The following KIF6 variants were observed in gnomAD, a reference collection of about 807,000 sequenced individuals.
KIF6 encodes kinesin-like protein KIF6.
In KIF6, 106 loss-of-function variants were observed where a neutral mutation model predicts 112.7. That is an observed-to-expected ratio of 0.94 (90% CI 0.80 to 1.11). The LOEUF (loss-of-function observed/expected upper bound fraction) is 1.11. KIF6 is among the 50% of genes least tolerant of loss of function. The pLI, the probability that KIF6 is intolerant of heterozygous loss-of-function variation, is 0.00. For synonymous variants in KIF6, 339 were observed against 339.9 expected (o/e 1.00, Z 0.03); for missense variants, 929 against 964.0 (o/e 0.96, Z 0.48).
At chr6:39,566,853 T>A (rs1296533311) in intron 10 of KIF6, among the ~76,000 whole-genome samples, 1 of 152,230 alleles carries the variant, frequency 6.6e-6, no homozygotes. Context: ...TGAAACATTG[T>A]TTTTCTGTCA....
At chr6:39,429,078 A>G (rs769819714) in intron 14 of KIF6, among the ~76,000 whole-genome samples, 22 of 152,220 alleles carry the variant, frequency 1.4e-4, no homozygotes, top group Non-Finnish European at 2.2e-4. Context: ...TGCCGTCCAT[A>G]TACAGAGCCA....
intron 3 of KIF6, among the ~76,000 whole-genome samples, chr6:39,684,485 CA>C (rs1311859609): frequency 2.0e-5 from 3 of 152,000 alleles, no homozygotes; most frequent in Admixed American, 2.0e-4. Flanking sequence ...CATGGTGACA[CA>C]AGCCTGTAAC....
chr6:39,639,902 TCTAG>T, intron 3 of KIF6, 145 bp from the exon 4 acceptor site: 1 of 635,012 alleles, frequency 1.6e-6, no homozygotes, highest in South Asian at 2.6e-5. Context: ...TATGTGAATA[TCTAG>T]CTAGAATTTA....
intron 9 of KIF6, among the ~76,000 whole-genome samples, chr6:39,583,773 T>C (rs1781441762): frequency 6.8e-6 from 1 of 147,496 alleles, no homozygotes; most frequent in Admixed American, 6.9e-5. Context: ...AACTGAGTGA[T>C]TTGAAAAATG....
intron 15 of KIF6, among the ~76,000 whole-genome samples, chr6:39,410,646 T>C (rs964404503): frequency 6.6e-6 from 1 of 152,198 alleles, no homozygotes; most frequent in African/African-American, 2.4e-5. Flanking sequence ...AAAATAATAA[T>C]GTACTATAAA....
At chr6:39,560,323 C>T (rs766388396) in intron 10 of KIF6, among the ~76,000 whole-genome samples, 19 of 152,306 alleles carry the variant, frequency 1.2e-4, no homozygotes, top group South Asian at 2.1e-4. Flanking sequence ...GATTTTAAAG[C>T]TAATAATTCA....
intron 3 of KIF6, among the ~76,000 whole-genome samples, chr6:39,694,181 A>C (rs1788391454): frequency 6.6e-6 from 1 of 152,090 alleles, no homozygotes; most frequent in Non-Finnish European, 1.5e-5. Context: ...AAATAATAAA[A>C]GCCATCTATG....
At chr6:39,489,376 G>A (rs1775323287) in intron 13 of KIF6, among the ~76,000 whole-genome samples, 1 of 152,060 alleles carries the variant, frequency 6.6e-6, no homozygotes, top group Non-Finnish European at 1.5e-5. Context: ...ATAGACTTTA[G>A]AGATATCCCA....
At chr6:39,720,666 GAA>G in intron 2 of KIF6, 34 bp downstream of exon 2, 1 of 1,084,886 alleles carries the variant, frequency 9.2e-7, no homozygotes. Flanking sequence ...GTTCAATAAT[GAA>G]ACAGAAATGA....
chr6:39,494,798 T>C (rs1025370167), intron 13 of KIF6, among the ~76,000 whole-genome samples: 2 of 152,194 alleles, frequency 1.3e-5, no homozygotes, highest in Non-Finnish European at 2.9e-5. Context: ...TGACAAGTTT[T>C]TTTTTTCATT....
At chr6:39,390,098 C>CCAG (rs1393359199) in intron 15 of KIF6, among the ~76,000 whole-genome samples, 3 of 151,332 alleles carry the variant, frequency 2.0e-5, no homozygotes, top group Non-Finnish European at 4.4e-5. Flanking sequence ...AGTTCAAATC[C>CCAG]CAGTTTTGCT....
chr6:39,525,808 GATAAATAAATAAATAAATAA>G (rs55659921), intron 13 of KIF6, among the ~76,000 whole-genome samples: 4 of 147,646 alleles, frequency 2.7e-5, no homozygotes, highest in African/African-American at 7.5e-5. Context: ...TAACTAAATA[GATAAATAAATAAATAAATAA>G]ATAAATAAAT....
At position 39,581,130 on chromosome 6, in the gene KIF6, C is replaced by T. The variant is rs868750387; in HGVS notation, c.1078-2971G>A. On this transcript the variant is annotated intron_variant, in intron 9 of 22. Coordinates refer to ENST00000287152, the MANE Select transcript of KIF6 (RefSeq NM_145027.6). ...CACCATAGGATCTGGTCTGTCCTTCCTTCCTTTCTTCCTCTTAGTAGCTTT... is the reference window on the plus strand; with the variant it reads ...CACCATAGGATCTGGTCTGTCCTTCTTTCCTTTCTTCCTCTTAGTAGCTTT... Among the ~76,000 whole-genome samples the T allele has an allele frequency of 9.5e-5, 14 of 148,114 alleles. 1 individual carries two copies. The South Asian group carries it at 1.5e-3, about 16-fold the overall frequency.
chr6:39,406,086 G>A (rs1259508522), intron 15 of KIF6, among the ~76,000 whole-genome samples: 1 of 151,936 alleles, frequency 6.6e-6, no homozygotes, highest in Non-Finnish European at 1.5e-5. Flanking sequence ...GCAGTGGTGC[G>A]ATTTCAGCTC....
intron 15 of KIF6, among the ~76,000 whole-genome samples, chr6:39,393,690 G>T (rs1304979482): frequency 6.6e-6 from 1 of 152,176 alleles, no homozygotes; most frequent in African/African-American, 2.4e-5. Context: ...GTAGTGAGAT[G>T]TTCAGTGGGG....
intron 3 of KIF6, among the ~76,000 whole-genome samples, chr6:39,653,001 G>T (rs1785565164): frequency 6.6e-6 from 1 of 152,194 alleles, no homozygotes; most frequent in Non-Finnish European, 1.5e-5. Context: ...TAGAGATTAA[G>T]TATACTGGCT....
intron 15 of KIF6, among the ~76,000 whole-genome samples, chr6:39,397,039 AG>A (rs1290420454): frequency 1.3e-5 from 2 of 152,144 alleles, no homozygotes; most frequent in Non-Finnish European, 2.9e-5. Context: ...GTGGGGAGGA[AG>A]GGGGGACAGT....
chr6:39,472,090 G>A (rs1052483087), intron 13 of KIF6, among the ~76,000 whole-genome samples: 1 of 152,058 alleles, frequency 6.6e-6, no homozygotes, highest in Non-Finnish European at 1.5e-5. Context: ...GCAAACTCCT[G>A]GAAGAGCTGT....
At chr6:39,574,393 A>G (rs1304839728) in intron 10 of KIF6, among the ~76,000 whole-genome samples, 2 of 152,176 alleles carry the variant, frequency 1.3e-5, no homozygotes, top group Non-Finnish European at 2.9e-5. Flanking sequence ...GAAAGTTTGC[A>G]TGTCGGCAGA....
Sources: allele counts gnomAD v4.1 joint callset (sites outside exome capture counted in the v4.1 genomes callset), GRCh38; gene constraint gnomAD v4.1.1; transcripts MANE v1.5; gene names NCBI Gene and HGNC (gene_info 2026-07-23, HGNC 2026-07-21).